The following WASHC2A variants were observed in gnomAD, a reference collection of about 807,000 sequenced individuals.
WASHC2A encodes the protein WASH complex subunit FAM21A.
In WASHC2A, 82 loss-of-function variants were observed where a neutral mutation model predicts 140.3. The ratio of observed to expected loss-of-function variants is 0.58; its 90% confidence interval spans 0.49 to 0.70. The LOEUF (loss-of-function observed/expected upper bound fraction) is 0.70. WASHC2A is among the 30% of genes least tolerant of loss of function. The pLI, the probability that WASHC2A is intolerant of heterozygous loss-of-function variation, is 0.00. For synonymous variants in WASHC2A, 340 were observed against 560.8 expected (o/e 0.61, Z 5.56); for missense variants, 985 against 1,521.8 (o/e 0.65, Z 5.87).
chr10:50,070,558 T>A (rs1336184093), intron 3 of WASHC2A, among the ~76,000 whole-genome samples: 3 of 151,286 alleles, frequency 2.0e-5, no homozygotes, highest in Non-Finnish European at 4.4e-5. Context: ...GTTAAGAGAA[T>A]GCCATGTAGT....
At chr10:50,079,246 T>C (rs1838663814) in intron 4 of WASHC2A, among the ~76,000 whole-genome samples, 2 of 151,772 alleles carry the variant, frequency 1.3e-5, no homozygotes, top group East Asian at 1.9e-4. Context: ...TCAGAAAATA[T>C]GGATCACCTG....
chr10:50,091,040 CT>C (rs1405122220), intron 9 of WASHC2A, among the ~76,000 whole-genome samples, 154 bp downstream of exon 9: 1 of 149,692 alleles, frequency 6.7e-6, no homozygotes, highest in Non-Finnish European at 1.5e-5. Flanking sequence ...CTCAAATTGC[CT>C]CACAAGTACC....
At chr10:50,120,643 A>G (rs1213694026) in intron 23 of WASHC2A, among the ~76,000 whole-genome samples, 17 of 142,874 alleles carry the variant, frequency 1.2e-4, no homozygotes, top group Admixed American at 5.5e-4. Context: ...AAAAAAATAG[A>G]TGATGGTCAT....
intron 11 of WASHC2A, among the ~76,000 whole-genome samples, chr10:50,092,443 G>A (rs1353045820): frequency 6.6e-6 from 1 of 152,126 alleles, no homozygotes; most frequent in Non-Finnish European, 1.5e-5. Context: ...GGATCATGAG[G>A]TCAGGAGTTT....
At chr10:50,108,853 G>T in intron 19 of WASHC2A, among the ~76,000 whole-genome samples, 1 of 102,208 alleles carries the variant, frequency 9.8e-6, no homozygotes. Flanking sequence ...CTGCACTCCA[G>T]CCCGGGCCAC....
Position 50,071,450 on chromosome 10 carries a change from C to T in WASHC2A, c.291+1739C>T, listed in dbSNP as rs556600023. Among the ~76,000 whole-genome samples, 294 of 152,062 alleles carry T rather than the reference C, an allele frequency of 1.9e-3. 2 individuals carry two copies. Among genetic ancestry groups the T allele is most frequent in the African/African-American group, 6.8e-3 (281 of 41,482 alleles). On this transcript the variant is annotated intron_variant, in intron 3 of 30. Coordinates refer to ENST00000282633, the MANE Select transcript of WASHC2A (RefSeq NM_001005751.3). ...CCTTCCAAGTAGCTGGGACTACAGG[C>T]GCGTGCCACCACGCCTGGCTAATTT...
At chr10:50,071,943 C>T (rs1837869504) in intron 3 of WASHC2A, among the ~76,000 whole-genome samples, 2 of 143,496 alleles carry the variant, frequency 1.4e-5, no homozygotes, top group East Asian at 4.0e-4. Flanking sequence ...GAGTCTTGCT[C>T]TGTCATCCAG....
chr10:50,089,105 T>TGCCTC (rs1839649406), intron 8 of WASHC2A, among the ~76,000 whole-genome samples: 2 of 151,390 alleles, frequency 1.3e-5, no homozygotes, highest in Non-Finnish European at 3.0e-5. Context: ...GCTGGGATTA[T>TGCCTC]AGGCATGTGC....
intron 10 of WASHC2A, 50 bp downstream of exon 10, chr10:50,091,568 C>A: frequency 6.5e-7 from 1 of 1,546,404 alleles, no homozygotes; most frequent in South Asian, 1.2e-5. Flanking sequence ...AGTGCAGGGC[C>A]CTCTGCTGGC....
chr10:50,129,948 A>G lies in WASHC2A; in HGVS notation c.3617A>G (p.Asp1206Gly). 2 of 1,612,014 alleles carry G rather than the reference A, an allele frequency of 1.2e-6. No individual in the cohort carries two copies. Among genetic ancestry groups the G allele is most frequent in the African/African-American group, 1.3e-5 (1 of 74,986 alleles). ...CCCTTTCCTCTCCTGGAAGATGAGG[A>G]TGACCTCTTTACAGATCAGAAAGTC... ...TNPFPLLEDE[D>G]DLFTDQKVKK... The change falls in exon 29 of 31, where the codon GAT (aspartate) becomes GGT (glycine). Residue 1206 changes from aspartate (D) to glycine (G), a missense_variant. By Grantham distance (94) the Asp-to-Gly change is moderately conservative. Transcript: ENST00000282633.
intron 15 of WASHC2A, among the ~76,000 whole-genome samples, chr10:50,097,199 G>A (rs1372318383): frequency 4.1e-5 from 6 of 146,022 alleles, no homozygotes; most frequent in Non-Finnish European, 7.6e-5. Flanking sequence ...ATGCTGAACT[G>A]TTCCCAATGT....
At chr10:50,082,562 C>G (rs2132449289) in intron 5 of WASHC2A, among the ~76,000 whole-genome samples, 1 of 149,544 alleles carries the variant, frequency 6.7e-6, no homozygotes, top group African/African-American at 2.4e-5. Context: ...ACTGCAGCTT[C>G]TGTCTCCTGG....
intron 10 of WASHC2A, among the ~76,000 whole-genome samples, chr10:50,091,847 A>G (rs1554882913): frequency 6.6e-6 from 1 of 152,158 alleles, no homozygotes; most frequent in Non-Finnish European, 1.5e-5. Context: ...TATATTTTGA[A>G]CACGTAAGAA....
chr10:50,131,017 A>G lies in WASHC2A; in HGVS notation c.3825A>G (p.Val1275=). ...DNIDIFADLT[V]KPKEKSKKKV... The stretch of plus-strand genomic sequence containing the variant: ...TTGATATCTTTGCTGACTTAACTGT[A>G]AAACCAAAAGAAAAGTCCAAAAAGA... The change falls in exon 30 of 31, where the codon GTA becomes GTG. Residue 1275 remains valine, a synonymous_variant. Coordinates refer to ENST00000282633, the MANE Select transcript of WASHC2A (RefSeq NM_001005751.3). 6.2e-7 allele frequency: 1 copy of G among 1,610,906 alleles called. No homozygotes were observed. The highest frequency in any genetic ancestry group is 1.1e-5 in the South Asian group (1 of 90,900).
In WASHC2A at chr10:50,117,911, A is replaced by G; in HGVS notation, c.2148A>G (p.Lys716=). 1.3e-6 allele frequency: 2 copies of G among 1,509,534 alleles called. No homozygotes were observed. The highest frequency in any genetic ancestry group is 1.8e-5 in the Admixed American group (1 of 54,126). The allele number at this position is 1,509,534 out of a possible 1,614,324, so 93.5% of individuals were successfully genotyped here. A position where few individuals can be genotyped will look rare whatever the true frequency, so the allele number is the denominator to read the frequency against. Residue 716 remains lysine, a synonymous_variant, in exon 22 of 31, where the codon AAA becomes AAG. Coordinates refer to ENST00000282633, the MANE Select transcript of WASHC2A (RefSeq NM_001005751.3). ...ATGTACTCTTCTTTTGGTAGAAAAA[A>G]GAGACTGTCTCTGAGGCACCACCTT... is the stretch of plus-strand genomic sequence containing the variant. ...PTSVPPATKK[K]ETVSEAPPLL...
chr10:50,079,699 G>T (rs1278220102), intron 4 of WASHC2A, among the ~76,000 whole-genome samples: 3 of 152,114 alleles, frequency 2.0e-5, no homozygotes, highest in Non-Finnish European at 4.4e-5. Flanking sequence ...GTGCCCAGCA[G>T]GTTATTTTAT....
rs11440968 is a variant in WASHC2A, at chr10:50,072,481, C to CTTTTTT, written c.291+2788_291+2793dup. On this transcript the variant is annotated intron_variant, in intron 3 of 30. Transcript: ENST00000282633. ...TGATATATATTTGTAAGTGATCTGG[C>CTTTTTT]TTTTTTTTTTTTTTTTTTTTTTTGA... is the stretch of plus-strand genomic sequence containing the variant. Among the ~76,000 whole-genome samples the CTTTTTT allele has an allele frequency of 1.2e-3, 112 of 90,618 alleles. 9 individuals are homozygous for CTTTTTT. The highest frequency in any genetic ancestry group is 4.8e-3 in the East Asian group (11 of 2,296). The allele number at this position is 90,618 out of a possible 152,430, so 59.4% of individuals were successfully genotyped here.
intron 26 of WASHC2A, 151 bp from the exon 27 acceptor site, chr10:50,127,009 A>C (rs1303237931): frequency 1.5e-5 from 15 of 997,836 alleles, no homozygotes; most frequent in Non-Finnish European, 2.4e-5. Context: ...CTAGTGAAAC[A>C]TCAGGCCCCA....
intron 22 of WASHC2A, 49 bp downstream of exon 22, chr10:50,118,107 T>G: frequency 1.3e-6 from 2 of 1,557,316 alleles, no homozygotes; most frequent in Non-Finnish European, 1.8e-6. Context: ...TCTCGTATGT[T>G]GTTTCAAACA....
Sources: allele counts gnomAD v4.1 joint callset (sites outside exome capture counted in the v4.1 genomes callset), GRCh38; gene constraint gnomAD v4.1.1; transcripts MANE v1.5; gene names NCBI Gene and HGNC (gene_info 2026-07-23, HGNC 2026-07-21).